Variants in PATJ observed in about 807,000 individuals in gnomAD.
PATJ encodes PATJ crumbs cell polarity complex component, also known as inaD-like protein.
Under a neutral mutation model 224.9 loss-of-function variants are expected in PATJ, and 190 were observed. That is an observed-to-expected ratio of 0.84 (90% CI 0.75 to 0.95). The LOEUF is 0.95. Ranked by LOEUF, PATJ falls within the 40% of genes least tolerant of loss-of-function variation. The pLI is 0.00. For missense variants in PATJ, 2,121 were observed against 2,270.3 expected, an observed-to-expected ratio of 0.93 and a Z score of 1.34; for synonymous variants, 769 against 820.3, an observed-to-expected ratio of 0.94 and a Z score of 1.07.
chr1:61,969,175 G>C (rs555766595), intron 27 of PATJ, among the ~76,000 whole-genome samples: 182 of 152,250 alleles, frequency 1.2e-3, no homozygotes, highest in Admixed American at 2.2e-3. Context: ...ATTGTGAATA[G>C]TGCTGCTATG....
intron 31 of PATJ, among the ~76,000 whole-genome samples, chr1:62,057,144 A>G (rs146407350): frequency 0.012 from 1,800 of 152,294 alleles, 17 homozygotes; most frequent in Middle Eastern, 0.048. Flanking sequence ...CTCAACTCTA[A>G]TCAAAGCTAA....
At chr1:61,990,069 A>G (rs547123331) in intron 27 of PATJ, 99 bp from the exon 28 acceptor site, 1 of 913,136 alleles carries the variant, frequency 1.1e-6, no homozygotes, top group East Asian at 2.7e-5. Flanking sequence ...CAAAAAAGGT[A>G]CCATAGTTGA....
chr1:61,954,889 G>T (rs1045263411), intron 27 of PATJ, among the ~76,000 whole-genome samples: 2 of 151,940 alleles, frequency 1.3e-5, no homozygotes, highest in African/African-American at 4.8e-5. Flanking sequence ...GAGTAGCTGG[G>T]ACTACAGGTG....
At chr1:61,973,829 T>C (rs944372140) in intron 27 of PATJ, among the ~76,000 whole-genome samples, 1 of 152,066 alleles carries the variant, frequency 6.6e-6, no homozygotes, top group Non-Finnish European at 1.5e-5. Context: ...AATTAAAGCA[T>C]GTTTACTGTT....
At chr1:61,919,523 T>G (rs138634469) in intron 26 of PATJ, among the ~76,000 whole-genome samples, 408 of 152,178 alleles carry the variant, frequency 2.7e-3, no homozygotes, top group South Asian at 0.01. Flanking sequence ...CAGGCTGATC[T>G]CAAACTTCTG....
intron 3 of PATJ, among the ~76,000 whole-genome samples, chr1:61,763,684 A>C (rs1038761614): frequency 1.3e-4 from 19 of 143,878 alleles, no homozygotes; most frequent in African/African-American, 4.7e-4. Flanking sequence ...TTTTGAGACA[A>C]GGTTTCTCTC....
In PATJ at chr1:61,822,931, G is replaced by T; in HGVS notation, c.1684-14G>T. 6.2e-7 allele frequency: 1 copy of T among 1,613,908 alleles called. No individual in the cohort carries two copies. The highest frequency in any genetic ancestry group is 8.5e-7 in the Non-Finnish European group (1 of 1,179,898). ...CATTGTCATGTTTGATCATTGCTTT[G>T]TGTTTTGCTACAGCTGCTGCCTATT... is the stretch of plus-strand genomic sequence containing the variant. On this transcript the variant is annotated splice_polypyrimidine_tract_variant and intron_variant, in intron 14 of 43. Coordinates refer to ENST00000642238, the MANE Select transcript of PATJ (RefSeq NM_001350145.3).
chr1:62,160,568 T>C (rs1340343434), intron 43 of PATJ, among the ~76,000 whole-genome samples: 1 of 152,208 alleles, frequency 6.6e-6, no homozygotes, highest in Non-Finnish European at 1.5e-5. Flanking sequence ...TTTTTCTGTA[T>C]ATTACGTTTT....
chr1:61,883,680 C>T (rs1284596697), intron 21 of PATJ, among the ~76,000 whole-genome samples: 2 of 150,732 alleles, frequency 1.3e-5, no homozygotes, highest in African/African-American at 2.4e-5. Context: ...TGTATGAATC[C>T]GGGAGGCGGA....
At chr1:61,959,439 C>CTTT (rs1207583070) in intron 27 of PATJ, among the ~76,000 whole-genome samples, 3 of 97,600 alleles carry the variant, frequency 3.1e-5, no homozygotes, top group African/African-American at 1.2e-4. Flanking sequence ...TTTTTCTTTT[C>CTTT]TTTTTTTTTT....
intron 22 of PATJ, among the ~76,000 whole-genome samples, chr1:61,893,616 CATA>C (rs1279509730): frequency 1.3e-5 from 2 of 150,710 alleles, no homozygotes; most frequent in Non-Finnish European, 3.0e-5. Context: ...GTCTGGGCAA[CATA>C]ATGAGACCCC....
At chr1:61,811,078 T>C (rs1273048856) in intron 14 of PATJ, among the ~76,000 whole-genome samples, 14 of 152,202 alleles carry the variant, frequency 9.2e-5, no homozygotes, top group Admixed American at 9.2e-4. Context: ...CTAAAGTCCA[T>C]GTCTCAGTTT....
At chr1:61,990,029 C>T in intron 27 of PATJ, 139 bp from the exon 28 acceptor site, 1 of 651,406 alleles carries the variant, frequency 1.5e-6, no homozygotes, top group East Asian at 2.8e-5. Context: ...CCAGTCTGCG[C>T]AATATAGCAA....
chr1:61,803,507 A>G (rs1024402808), intron 12 of PATJ, among the ~76,000 whole-genome samples: 10 of 152,208 alleles, frequency 6.6e-5, no homozygotes, highest in Non-Finnish European at 1.3e-4. Flanking sequence ...ATCAAGTCCT[A>G]CTTGCTAAAA....
chr1:62,067,126 T>TC (rs1470866734), intron 31 of PATJ, among the ~76,000 whole-genome samples: 18 of 116,312 alleles, frequency 1.5e-4, no homozygotes, highest in African/African-American at 7.7e-4. Flanking sequence ...ATTCTTTCTT[T>TC]TTTTTTTTTT....
intron 28 of PATJ, among the ~76,000 whole-genome samples, chr1:61,991,182 A>AATGATG (rs71582656): frequency 1.3e-3 from 193 of 151,040 alleles, no homozygotes; most frequent in African/African-American, 3.6e-3. Context: ...TAAGAAATGC[A>AATGATG]ATGATGATGA....
At chr1:62,032,344 T>C (rs527892156) in intron 29 of PATJ, among the ~76,000 whole-genome samples, 1 of 152,276 alleles carries the variant, frequency 6.6e-6, no homozygotes, top group South Asian at 2.1e-4. Context: ...TTAATTGGTT[T>C]AGAATTCATT....
At chr1:62,015,137 T>C (rs187077001) in intron 28 of PATJ, among the ~76,000 whole-genome samples, 1 of 151,408 alleles carries the variant, frequency 6.6e-6, no homozygotes, top group African/African-American at 2.4e-5. Context: ...CCATCTCTAC[T>C]AAAAATACAA....
At chr1:62,051,114 A>G (rs1057390452) in intron 31 of PATJ, 56 bp downstream of exon 31, 2 of 1,279,496 alleles carry the variant, frequency 1.6e-6, no homozygotes, top group South Asian at 2.5e-5. Flanking sequence ...TATCACTTAT[A>G]TTTTGTACCA....
Sources: gnomAD v4.1 joint callset for allele counts (sites outside exome capture counted in the v4.1 genomes callset) on GRCh38, gnomAD v4.1.1 for gene constraint, MANE v1.5 for transcripts, NCBI Gene and HGNC (gene_info 2026-07-23, HGNC 2026-07-21) for gene names.